The following ETS1 variants were observed in gnomAD, a reference collection of about 807,000 sequenced individuals.
ETS1 encodes the protein protein C-ets-1.
ETS1 carries 15 observed loss-of-function variants against 58.6 expected under a neutral mutation model. That is an observed-to-expected ratio of 0.26 (90% CI 0.17 to 0.39). ETS1 has a LOEUF of 0.39. ETS1 is among the 10% of genes least tolerant of loss of function. The probability of loss-of-function intolerance (pLI) is 1.00; values close to 1 mark genes in which losing one functional copy is unlikely to be tolerated. For missense variants in ETS1, 417 were observed against 610.5 expected, an observed-to-expected ratio of 0.68 and a Z score of 3.34; for synonymous variants, 214 against 218.2, an observed-to-expected ratio of 0.98 and a Z score of 0.17.
At chr11:128,540,037 C>A (rs1373388467) in intron 3 of ETS1, among the ~76,000 whole-genome samples, 2 of 152,122 alleles carry the variant, frequency 1.3e-5, no homozygotes, top group East Asian at 3.8e-4. Flanking sequence ...TGTTGCTGGG[C>A]GCAGTGGATC....
chr11:128,533,847 C>T (rs991431742), intron 3 of ETS1, among the ~76,000 whole-genome samples: 1 of 152,176 alleles, frequency 6.6e-6, no homozygotes, highest in Non-Finnish European at 1.5e-5. Flanking sequence ...AACACAAGGA[C>T]TTAGTGAATG....
At chr11:128,571,512 A>C (rs1432333893) in intron 2 of ETS1, among the ~76,000 whole-genome samples, 470 of 5,946 alleles carry the variant, frequency 0.079, 115 homozygotes, top group African/African-American at 0.32. Context: ...AAAAAAAAAA[A>C]AAAAAAAAAA....
rs1864201633 is a variant in ETS1, at chr11:128,549,829, A to G, written c.214+6462T>C. Among the ~76,000 whole-genome samples, 1 of 152,160 alleles carries G rather than the reference A, an allele frequency of 6.6e-6. No homozygotes were observed. Among genetic ancestry groups the G allele is most frequent in the African/African-American group, 2.4e-5 (1 of 41,518 alleles). On this transcript the variant is annotated intron_variant, in intron 3 of 9. Transcript: ENST00000392668. The surrounding 1 kb of genome is among the most constrained non-coding windows in gnomAD (Gnocchi z 4.3). ...GGGTGTGCAGCTCTTTCTGGCCCTC[A>G]CCAGGCTGGCCTCTCCTTTGGCTGG...
chr11:128,468,370 A>G (rs1862095444), intron 8 of ETS1, among the ~76,000 whole-genome samples: 1 of 152,124 alleles, frequency 6.6e-6, no homozygotes, highest in Non-Finnish European at 1.5e-5. Flanking sequence ...CAGCATAAAT[A>G]CATATATAGC....
Position 128,480,261 on chromosome 11 carries a change from A to G in ETS1, c.1053T>C (p.Tyr351=), listed in dbSNP as rs1431412225. 10 of 1,614,148 alleles carry G rather than the reference A, an allele frequency of 6.2e-6. No individual in the cohort carries two copies. Among genetic ancestry groups the G allele is most frequent in the Non-Finnish European group, 8.5e-6 (10 of 1,180,034 alleles). Residue 351 remains tyrosine, a synonymous_variant, in exon 8 of 10, where the codon TAT becomes TAC. Transcript: ENST00000392668. ...NHKPKGTFKD[Y]VRDRADLNKD... ...TATTGAGGTCAGCACGGTCCCGCACATAGTCCTTGAAGGTGCCCTTGGGCT... is the reference window on the plus strand; with the variant it reads ...TATTGAGGTCAGCACGGTCCCGCACGTAGTCCTTGAAGGTGCCCTTGGGCT...
chr11:128,564,840 T>C (rs1156660291), intron 2 of ETS1, among the ~76,000 whole-genome samples: 1 of 152,016 alleles, frequency 6.6e-6, no homozygotes. Context: ...ATGGACACGG[T>C]TGGTGGAACT....
Position 128,461,383 on chromosome 11 carries a change from C to G in ETS1, c.*978G>C, listed in dbSNP as rs997376650. On this transcript the variant is annotated 3_prime_UTR_variant, in exon 10 of 10. Transcript: ENST00000392668. Reference sequence around the variant, plus strand: ...TTCCAGGACTTCAACAGTGCTCCTACGTTTACTGTCGTCCAAAACCAGGGA... The same window carrying G: ...TTCCAGGACTTCAACAGTGCTCCTAGGTTTACTGTCGTCCAAAACCAGGGA... The G allele has an allele frequency of 6.5e-6, 1 of 152,776 alleles. No homozygotes were observed. The highest frequency in any genetic ancestry group is 2.4e-5 in the African/African-American group (1 of 41,426). The allele number at this position is 152,776 out of a possible 1,614,324, so 9.5% of individuals were successfully genotyped here.
chr11:128,465,322 C>T (rs1261274550), intron 8 of ETS1, among the ~76,000 whole-genome samples: 1 of 152,188 alleles, frequency 6.6e-6, no homozygotes, highest in Non-Finnish European at 1.5e-5. Flanking sequence ...AAGTAACATT[C>T]GAACAACAGC....
At chr11:128,545,023 G>GC (rs56936933) in intron 3 of ETS1, among the ~76,000 whole-genome samples, 3 of 108,586 alleles carry the variant, frequency 2.8e-5, no homozygotes, top group Non-Finnish European at 6.6e-5. Context: ...GGTTGGGGGT[G>GC]GGGGGGGCAG....
At chr11:128,487,483 G>A (rs915307127) in intron 5 of ETS1, among the ~76,000 whole-genome samples, 4 of 152,150 alleles carry the variant, frequency 2.6e-5, no homozygotes, top group Non-Finnish European at 4.4e-5. Context: ...GCTCACGCCT[G>A]TAATCCCAGT....
chr11:128,532,248 G>A (rs955423448), intron 3 of ETS1, among the ~76,000 whole-genome samples: 2 of 152,184 alleles, frequency 1.3e-5, no homozygotes, highest in African/African-American at 2.4e-5. Context: ...AACTACCTAT[G>A]CTGACCAGTT....
At position 128,462,379 on chromosome 11, in the gene ETS1, C is replaced by T. The variant is rs1477038772; in HGVS notation, c.1440G>A (p.Lys480=). The change falls in exon 10 of 10, where the codon AAG becomes AAA. Residue 480 remains lysine (K), a synonymous_variant. Transcript: ENST00000392668. ...AGTGCCATCACTCGTCGGCATCTGG[C>T]TTGACGTCCAGCATGGCGTGCAGCT... ...PEELHAMLDV[K]PDADE 4 of 1,613,314 alleles carry T rather than the reference C, an allele frequency of 2.5e-6. No homozygotes were observed. Among genetic ancestry groups the T allele is most frequent in the Non-Finnish European group, 3.4e-6 (4 of 1,179,286 alleles).
intron 3 of ETS1, among the ~76,000 whole-genome samples, chr11:128,538,780 ACACACACACACC>A (rs1864011116): frequency 8.8e-6 from 1 of 114,118 alleles, no homozygotes; most frequent in Non-Finnish European, 2.0e-5. Context: ...ACACACACAC[ACACACACACACC>A]AAACCAGGTT....
At chr11:128,512,043 T>G (rs573133978) in intron 3 of ETS1, among the ~76,000 whole-genome samples, 2 of 152,270 alleles carry the variant, frequency 1.3e-5, no homozygotes, top group South Asian at 4.1e-4. Context: ...CCTTAGTATT[T>G]CCCCCAAATT....
At chr11:128,569,318 C>CATTTTTTTTTTTTTTTTTTTTTTT (rs1459624038) in intron 2 of ETS1, among the ~76,000 whole-genome samples, 1 of 39,462 alleles carries the variant, frequency 2.5e-5, no homozygotes, top group African/African-American at 1.1e-4. Flanking sequence ...AGAGTTTCTT[C>CATTTTTTTTTTTTTTTTTTTTTTT]TTTTTTTTTT....
At chr11:128,550,292 A>C (rs1430193772) in intron 3 of ETS1, among the ~76,000 whole-genome samples, 1 of 152,356 alleles carries the variant, frequency 6.6e-6, no homozygotes, top group South Asian at 2.1e-4. Flanking sequence ...TGAATATGAA[A>C]TAGTACCAGC....
At chr11:128,565,340 A>T (rs1864475816) in intron 2 of ETS1, among the ~76,000 whole-genome samples, 1 of 152,234 alleles carries the variant, frequency 6.6e-6, no homozygotes, top group Non-Finnish European at 1.5e-5. Flanking sequence ...GACTCTCACC[A>T]GACACAGAGA....
At chr11:128,543,070 G>A (rs1864079494) in intron 3 of ETS1, among the ~76,000 whole-genome samples, 2 of 151,860 alleles carry the variant, frequency 1.3e-5, no homozygotes, top group South Asian at 2.1e-4. Flanking sequence ...AGCTACTCGG[G>A]TAATCCCAGC....
intron 2 of ETS1, among the ~76,000 whole-genome samples, chr11:128,566,684 G>T (rs1864506692): frequency 6.6e-6 from 1 of 151,950 alleles, no homozygotes; most frequent in Non-Finnish European, 1.5e-5. Flanking sequence ...TCAGGAGGCT[G>T]AGGCAGGAGA....
Sources: allele counts gnomAD v4.1 joint callset (sites outside exome capture counted in the v4.1 genomes callset), GRCh38; gene constraint gnomAD v4.1.1; non-coding constraint Gnocchi (gnomAD v3.1); transcripts MANE v1.5; gene names NCBI Gene and HGNC (gene_info 2026-07-23, HGNC 2026-07-21).